The following SMYD4 variants were observed in gnomAD, a reference collection of about 807,000 sequenced individuals.
The protein encoded by SMYD4 is protein-lysine N-methyltransferase SMYD4.
Under a neutral mutation model 72.8 loss-of-function variants are expected in SMYD4, and 68 were observed. That is an observed-to-expected ratio of 0.93 (90% CI 0.77 to 1.14). The LOEUF (loss-of-function observed/expected upper bound fraction) is 1.14. Among genes scored for constraint, SMYD4 ranks in the 50% most tolerant of loss-of-function variants. The pLI is 0.00. For synonymous variants in SMYD4, 407 were observed against 388.6 expected (o/e 1.05, Z -0.56); for missense variants, 984 against 1,003.7 (o/e 0.98, Z 0.27).
In SMYD4 at chr17:1,789,635, T is replaced by G. The variant is rs772276821; in HGVS notation, c.1538-2031A>C. 6.6e-5 allele frequency among the ~76,000 whole-genome samples: 10 copies of G among 151,266 alleles called. No individual in the cohort carries two copies. In the East Asian group the frequency reaches 7.8e-4, roughly 12 times the overall value. The stretch of plus-strand genomic sequence containing the variant: ...AAAAACTTAGCTGAGCGTGGTGGCG[T>G]GCACCAGTAATCCCTGCTACTCGGG... On this transcript the variant is annotated intron_variant, in intron 5 of 10. Coordinates refer to ENST00000305513, the MANE Select transcript of SMYD4 (RefSeq NM_052928.3).
chr17:1,781,002 C>T lies in SMYD4; in HGVS notation c.*284G>A. On this transcript the variant is annotated 3_prime_UTR_variant, in exon 11 of 11. Coordinates refer to ENST00000305513, the MANE Select transcript of SMYD4 (RefSeq NM_052928.3). ...TGGAGCGATCTCGGCTCACTGCAACCTCCGCCTCCTGGGTTCAAGAGATTC... is the reference window on the plus strand; with the variant it reads ...TGGAGCGATCTCGGCTCACTGCAACTTCCGCCTCCTGGGTTCAAGAGATTC... 4.0e-6 allele frequency: 1 copy of T among 249,480 alleles called. No individual in the cohort carries two copies. Among genetic ancestry groups the T allele is most frequent in the Non-Finnish European group, 7.8e-6 (1 of 128,988 alleles). The allele number at this position is 249,480 out of a possible 1,614,324, so 15.5% of individuals were successfully genotyped here. A position where few individuals can be genotyped will look rare whatever the true frequency, so the allele number is the denominator to read the frequency against.
At chr17:1,781,676 T>C (rs77200620) in intron 10 of SMYD4, 2 of 139,654 alleles carry the variant, frequency 1.4e-5, no homozygotes, top group African/African-American at 2.8e-5. Flanking sequence ...ATCTCAAAGC[T>C]TTTTTTTTTT....
At chr17:1,788,052 C>A (rs1201652322) in intron 5 of SMYD4, among the ~76,000 whole-genome samples, 1 of 152,106 alleles carries the variant, frequency 6.6e-6, no homozygotes, top group African/African-American at 2.4e-5. Flanking sequence ...CTAGTTACTA[C>A]CCCAAACTTT....
chr17:1,815,783 T>G (rs1175349229), intron 2 of SMYD4, among the ~76,000 whole-genome samples: 1 of 151,270 alleles, frequency 6.6e-6, no homozygotes, highest in Non-Finnish European at 1.5e-5. Flanking sequence ...CACTGCAATC[T>G]CCGCCTCCCG....
intron 4 of SMYD4, among the ~76,000 whole-genome samples, chr17:1,802,098 C>T (rs912406620): frequency 6.6e-5 from 10 of 152,064 alleles, no homozygotes; most frequent in African/African-American, 2.4e-4. Context: ...ATAATATCTC[C>T]CAGTGTTGTT....
At chr17:1,817,713 T>C (rs564947678) in intron 2 of SMYD4, among the ~76,000 whole-genome samples, 20 of 152,280 alleles carry the variant, frequency 1.3e-4, no homozygotes, top group African/African-American at 4.8e-4. Flanking sequence ...ATGCAAGAAA[T>C]AACTGCTAAA....
At chr17:1,794,057 GTATATATATGTGTATATATATGTGTATA>G (rs1567770866) in intron 5 of SMYD4, among the ~76,000 whole-genome samples, 11 of 46,788 alleles carry the variant, frequency 2.4e-4, no homozygotes, top group South Asian at 5.5e-4. Context: ...ATATATGTGT[GTATATATATGTGTATATATATGTGTATA>G]TATATATATA....
rs893857509 is a variant in SMYD4 at position 1,779,889 on chromosome 17, A to C, written c.*1397T>G. On this transcript the variant is annotated 3_prime_UTR_variant, in exon 11 of 11. Transcript: ENST00000305513. ...CCCACTGGAGTGGTGCACACATCTC[A>C]TTACTACTAAAACCACAGGAATGTT... The C allele has an allele frequency of 2.6e-5, 4 of 152,634 alleles. No homozygotes were observed. Among genetic ancestry groups the C allele is most frequent in the African/African-American group, 9.7e-5 (4 of 41,446 alleles). The allele number at this position is 152,634 out of a possible 1,614,324, so 9.5% of individuals were successfully genotyped here.
chr17:1,802,833 G>C (rs767046422), intron 4 of SMYD4, among the ~76,000 whole-genome samples: 1 of 152,142 alleles, frequency 6.6e-6, no homozygotes, highest in Admixed American at 6.5e-5. Context: ...ACATTAATCC[G>C]ATTTTGGTCA....
chr17:1,794,051 ATGTG>A (rs1430429888), intron 5 of SMYD4, among the ~76,000 whole-genome samples: 1 of 77,438 alleles, frequency 1.3e-5, no homozygotes, highest in Non-Finnish European at 2.3e-5. Flanking sequence ...GTATATATAT[ATGTG>A]TGTATATATA....
At chr17:1,803,841 C>T (rs1411574774) in intron 4 of SMYD4, among the ~76,000 whole-genome samples, 2 of 151,606 alleles carry the variant, frequency 1.3e-5, no homozygotes, top group Non-Finnish European at 2.9e-5. Context: ...CATATGGTCA[C>T]CTGTGATCAG....
At chr17:1,822,584 G>GT (rs1396541308) in intron 2 of SMYD4, among the ~76,000 whole-genome samples, 2 of 152,012 alleles carry the variant, frequency 1.3e-5, no homozygotes, top group African/African-American at 4.8e-5. Context: ...ACCCACCATG[G>GT]TATCAGCTGG....
rs76481700 is a variant in SMYD4 at position 1,786,059 on chromosome 17, G to T, written c.1884+751C>A. 6.0e-3 allele frequency among the ~76,000 whole-genome samples: 912 copies of T among 152,350 alleles called. 46 individuals carry two copies. In the East Asian group the frequency reaches 0.13, roughly 22 times the overall value. ...CATGGCCCTTGCCCTACAGCTGAGG[G>T]TGTGGCATGTGGCTCACATATGGCT... On this transcript the variant is annotated intron_variant, in intron 7 of 10. Coordinates refer to ENST00000305513, the MANE Select transcript of SMYD4 (RefSeq NM_052928.3).
Position 1,800,020 on chromosome 17 carries a change from A to G in SMYD4, c.1374T>C (p.Ser458=). 4.3e-6 allele frequency: 7 copies of G among 1,614,100 alleles called. No homozygotes were observed. In the South Asian group the frequency reaches 6.6e-5, roughly 15 times the overall value. ...TCCTCTCAGTTGGGATGGCCTGTAA[A>G]CTGGCTGCTTCTAGCTGTCTGCACA... The part of the protein sequence containing the change: ...SALCRQLEAA[S]LQAIPTERIV... The change falls in exon 5 of 11, where the codon AGT becomes AGC. Residue 458 remains serine, a synonymous_variant. Transcript: ENST00000305513.
At position 1,800,445 on chromosome 17, in the gene SMYD4, A is replaced by G. The variant is rs1909660350; in HGVS notation, c.949T>C (p.Tyr317His). Residue 317 changes from tyrosine (Y) to histidine (H), a missense_variant, in exon 5 of 11, where the codon TAT becomes CAT. Coordinates refer to ENST00000305513, the MANE Select transcript of SMYD4 (RefSeq NM_052928.3). Reference sequence around the variant, plus strand: ...TGCTGCAAACACTCCTGGCTGCAATACTTGGCATAACTGCATCCGTCACAC... The same window carrying G: ...TGCTGCAAACACTCCTGGCTGCAATGCTTGGCATAACTGCATCCGTCACAC... ...VPCDGCSYAK[Y>H]CSQECLQQAW... 9 of 1,614,150 alleles carry G rather than the reference A, an allele frequency of 5.6e-6. No individual in the cohort carries two copies. Among genetic ancestry groups the G allele is most frequent in the Non-Finnish European group, 6.8e-6 (8 of 1,180,036 alleles).
At position 1,783,611 on chromosome 17, in the gene SMYD4, C is replaced by T. The variant is rs939524971; in HGVS notation, c.2021-135G>A. 6.2e-5 allele frequency: 88 copies of T among 1,411,142 alleles called. 1 individual carries two copies. Among genetic ancestry groups the T allele is most frequent in the Middle Eastern group, 2.4e-4 (1 of 4,108 alleles). The allele number at this position is 1,411,142 out of a possible 1,614,324, so 87.4% of individuals were successfully genotyped here. ...CCTGGCCTCCCTGGGTTGTCACCAA[C>T]GCACAATGTCTGTTCCAATAAAGCT... On this transcript the variant is annotated intron_variant, in intron 8 of 10. Coordinates refer to ENST00000305513, the MANE Select transcript of SMYD4 (RefSeq NM_052928.3).
Position 1,784,467 on chromosome 17 carries a change from G to T in SMYD4, c.1885-6C>A. The T allele has an allele frequency of 1.2e-6, 2 of 1,614,060 alleles. No homozygotes were observed. The highest frequency in any genetic ancestry group is 1.7e-6 in the Non-Finnish European group (2 of 1,180,012). On this transcript the variant is annotated splice_region_variant and splice_polypyrimidine_tract_variant and intron_variant, in intron 7 of 10. Coordinates refer to ENST00000305513, the MANE Select transcript of SMYD4 (RefSeq NM_052928.3). ...CAGCGCAGCACGTCATCTCCCTGTG[G>T]AAGTCAGTTTTCTCTTTATTCCAAT...
At chr17:1,816,591 C>A (rs537002243) in intron 2 of SMYD4, among the ~76,000 whole-genome samples, 1 of 151,240 alleles carries the variant, frequency 6.6e-6, no homozygotes, top group East Asian at 2.0e-4. Context: ...CGGCACTCCA[C>A]CCTGGGCGAC....
rs34186438 is a variant in SMYD4, at chr17:1,794,734, T to TA, written c.1537+5122dup. On this transcript the variant is annotated intron_variant, in intron 5 of 10. Transcript: ENST00000305513. ...CAGTACCAAGACCTTTCAGTTCTCT[T>TA]AAAAAAAAAAAAAGGCTATTCTCAC... Among the ~76,000 whole-genome samples the TA allele has an allele frequency of 1.1e-3, 159 of 147,508 alleles. No homozygotes were observed. In the East Asian group the frequency reaches 0.011, roughly 10 times the overall value.
Sources: allele counts gnomAD v4.1 joint callset (sites outside exome capture counted in the v4.1 genomes callset), GRCh38; gene constraint gnomAD v4.1.1; transcripts MANE v1.5; gene names NCBI Gene and HGNC (gene_info 2026-07-23, HGNC 2026-07-21).